MAST4: variants seen among roughly 807,000 people sequenced by gnomAD.
MAST4 encodes microtubule-associated serine/threonine-protein kinase 4.
A neutral mutation model predicts 162.7 loss-of-function variants in MAST4; 89 were observed. The ratio of observed to expected loss-of-function variants is 0.55; its 90% CI spans 0.46 to 0.65. The LOEUF (loss-of-function observed/expected upper bound fraction) is 0.65. Among genes scored for constraint, MAST4 ranks in the 30% least tolerant of loss-of-function variants. The pLI, the probability that MAST4 is intolerant of heterozygous loss-of-function variation, is 0.00. For synonymous variants in MAST4, 1,479 were observed against 1,361.1 expected (o/e 1.09, Z -1.91); for missense variants, 3,153 against 3,374.0 (o/e 0.93, Z 1.62).
At chr5:66,774,995 C>G (rs1055225024) in intron 2 of MAST4, among the ~76,000 whole-genome samples, 71 of 142,028 alleles carry the variant, frequency 5.0e-4, no homozygotes, top group African/African-American at 1.8e-3. Flanking sequence ...TATCCTTTTC[C>G]TGTGTGTGTG....
chr5:66,734,963 T>C (rs3111624), intron 1 of MAST4, among the ~76,000 whole-genome samples: 145,430 of 152,318 alleles, frequency 0.95, 69,511 homozygotes, highest in East Asian at 1. Context: ...TAAGAATATC[T>C]TCTGACCTGT....
chr5:66,862,704 T>C (rs1034995496), intron 3 of MAST4, among the ~76,000 whole-genome samples: 2 of 152,198 alleles, frequency 1.3e-5, no homozygotes, highest in African/African-American at 4.8e-5. Flanking sequence ...AGCCCAATAA[T>C]TGAATTTACT....
chr5:66,894,004 C>G (rs576713952), intron 3 of MAST4, among the ~76,000 whole-genome samples: 1 of 152,258 alleles, frequency 6.6e-6, no homozygotes, highest in Non-Finnish European at 1.5e-5. Context: ...GCCTGTACAC[C>G]CAGCTAATTT....
At chr5:66,615,211 A>C (rs1231581141) in intron 1 of MAST4, among the ~76,000 whole-genome samples, 1 of 152,092 alleles carries the variant, frequency 6.6e-6, no homozygotes, top group East Asian at 1.9e-4. Context: ...AAGGGAGTCA[A>C]GATTAGTGGG....
Position 66,805,192 on chromosome 5 carries a change from T to C in MAST4, c.642+16398T>C, listed in dbSNP as rs148387414. 3.5e-3 allele frequency among the ~76,000 whole-genome samples: 537 copies of C among 152,336 alleles called. 1 individual carries two copies. Among genetic ancestry groups the C allele is most frequent in the Non-Finnish European group, 4.8e-3 (327 of 68,020 alleles). On this transcript the variant is annotated intron_variant, in intron 3 of 28. Coordinates refer to ENST00000403625, the MANE Select transcript of MAST4 (RefSeq NM_001164664.2). The stretch of plus-strand genomic sequence containing the variant: ...AGGAGCGGTTCATCTTCTTCCTCTT[T>C]TTCCAGAGATAGCCAGTTATTCCAG...
At chr5:66,819,711 G>A (rs56403004) in intron 3 of MAST4, among the ~76,000 whole-genome samples, 11 of 151,184 alleles carry the variant, frequency 7.3e-5, no homozygotes, top group African/African-American at 2.2e-4. Flanking sequence ...TTGTTTTTTT[G>A]GGGGGGAAGT....
intron 3 of MAST4, among the ~76,000 whole-genome samples, chr5:66,888,934 C>T (rs1383504094): frequency 6.6e-6 from 1 of 152,196 alleles, no homozygotes. Flanking sequence ...ACTCTAAAAT[C>T]AAATAAAGCT....
At chr5:67,063,160 C>CTT (rs112267391) in intron 5 of MAST4, among the ~76,000 whole-genome samples, 7 of 146,368 alleles carry the variant, frequency 4.8e-5, no homozygotes, top group African/African-American at 1.7e-4. Flanking sequence ...GCTGTACTCA[C>CTT]TTTTTTTTTT....
chr5:66,639,622 T>C lies in MAST4; in HGVS notation c.363+42604T>C, dbSNP rs539595161. On this transcript the variant is annotated intron_variant, in intron 1 of 28. Transcript: ENST00000403625. ...TCAAATGCTTTTAATAATCATATTG[T>C]TGATAATAGTATTAGTTTCACTATT... Among the ~76,000 whole-genome samples the C allele has an allele frequency of 4.6e-5, 7 of 152,312 alleles. No individual in the cohort carries two copies. In the South Asian group the frequency reaches 1.5e-3, roughly 32 times the overall value.
At chr5:66,865,964 A>G (rs1240345005) in intron 3 of MAST4, among the ~76,000 whole-genome samples, 1 of 151,420 alleles carries the variant, frequency 6.6e-6, no homozygotes, top group Admixed American at 6.6e-5. Context: ...AATCCCAGCT[A>G]CTTGGGAGAC....
intron 1 of MAST4, among the ~76,000 whole-genome samples, chr5:66,723,986 G>A (rs1291150630): frequency 6.6e-6 from 1 of 151,970 alleles, no homozygotes; most frequent in Non-Finnish European, 1.5e-5. Flanking sequence ...TACATGGCCA[G>A]GATATTTCTG....
chr5:66,762,949 A>G (rs1284688563), intron 2 of MAST4, among the ~76,000 whole-genome samples: 11 of 152,236 alleles, frequency 7.2e-5, no homozygotes, highest in Non-Finnish European at 1.5e-5. Flanking sequence ...ATGATAGCTA[A>G]TATTAAAAGC....
chr5:66,618,668 G>GTTTA (rs78120948), intron 1 of MAST4, among the ~76,000 whole-genome samples: 59,418 of 151,718 alleles, frequency 0.39, 11,881 homozygotes, highest in East Asian at 0.6. Context: ...GACTTTTGAT[G>GTTTA]TTTACCCTGA....
chr5:67,073,031 A>T (rs1311461481), intron 5 of MAST4, among the ~76,000 whole-genome samples: 1 of 152,242 alleles, frequency 6.6e-6, no homozygotes, highest in Non-Finnish European at 1.5e-5. Flanking sequence ...ATGTGTGTTT[A>T]ACTGTTTTCT....
chr5:66,835,394 T>C (rs943222014), intron 3 of MAST4, among the ~76,000 whole-genome samples: 2 of 152,202 alleles, frequency 1.3e-5, no homozygotes, highest in Non-Finnish European at 2.9e-5. Flanking sequence ...GCTTTCTAGA[T>C]AAAATTAGCC....
At chr5:66,619,283 C>T (rs1390632429) in intron 1 of MAST4, among the ~76,000 whole-genome samples, 1 of 152,128 alleles carries the variant, frequency 6.6e-6, no homozygotes, top group Admixed American at 6.5e-5. Flanking sequence ...TATGCTGTGC[C>T]ACCCTCAGAG....
intron 4 of MAST4, among the ~76,000 whole-genome samples, chr5:66,985,391 C>T (rs948575678): frequency 9.2e-5 from 14 of 152,174 alleles, no homozygotes; most frequent in African/African-American, 2.7e-4. Context: ...CAATCAAAGA[C>T]AAAGGCCCTT....
chr5:67,137,696 A>T (rs758285111), intron 19 of MAST4, among the ~76,000 whole-genome samples: 1 of 152,190 alleles, frequency 6.6e-6, no homozygotes, highest in Non-Finnish European at 1.5e-5. Flanking sequence ...ATGATAATGC[A>T]TTACAGCAAG....
In MAST4 at chr5:66,612,963, A is replaced by C. The variant is rs796523926; in HGVS notation, c.363+15945A>C. On this transcript the variant is annotated intron_variant, in intron 1 of 28. Coordinates refer to ENST00000403625, the MANE Select transcript of MAST4 (RefSeq NM_001164664.2). The stretch of plus-strand genomic sequence containing the variant: ...TTAAAAATTACTGAAACAACATACT[A>C]TGAAGATTACAATGTTTTCTCTATT... 2.3e-4 allele frequency among the ~76,000 whole-genome samples: 35 copies of C among 152,344 alleles called. 1 individual carries two copies. The highest frequency in any genetic ancestry group is 7.9e-4 in the African/African-American group (33 of 41,570).
Sources: gnomAD v4.1 joint callset for allele counts (sites outside exome capture counted in the v4.1 genomes callset) on GRCh38, gnomAD v4.1.1 for gene constraint, MANE v1.5 for transcripts, NCBI Gene and HGNC (gene_info 2026-07-23, HGNC 2026-07-21) for gene names.